The following LINGO2 variants were observed in gnomAD, a reference collection of about 807,000 sequenced individuals.
LINGO2 encodes leucine-rich repeat and immunoglobulin-like domain-containing nogo receptor-interacting protein 2.
Under a neutral mutation model 30.6 loss-of-function variants are expected in LINGO2, and 14 were observed. That is an observed-to-expected ratio of 0.46 (90% confidence interval 0.30 to 0.72). The LOEUF is 0.72. Among genes scored for constraint, LINGO2 ranks in the 30% least tolerant of loss-of-function variants. The pLI, the probability that LINGO2 is intolerant of heterozygous loss-of-function variation, is 0.07. For synonymous variants in LINGO2, 317 were observed against 288.5 expected (o/e 1.10, Z -1.00); for missense variants, 729 against 751.7 (o/e 0.97, Z 0.35).
At chr9:28,870,467 T>A in the LINGO2 span, among the ~76,000 whole-genome samples, 1 of 152,034 alleles carries the variant, frequency 6.6e-6, no homozygotes, top group Non-Finnish European at 1.5e-5. Flanking sequence ...ATTCTCTGAC[T>A]CCCCATACAG....
chr9:29,207,214 A>T, the LINGO2 span, among the ~76,000 whole-genome samples: 1 of 152,038 alleles, frequency 6.6e-6, no homozygotes, highest in South Asian at 2.1e-4. Context: ...ATAAAGGTCA[A>T]GTCAAAAATT....
At chr9:29,197,600 T>C in the LINGO2 span, among the ~76,000 whole-genome samples, 1 of 152,086 alleles carries the variant, frequency 6.6e-6, no homozygotes, top group Non-Finnish European at 1.5e-5. Context: ...TTCAGGGTAA[T>C]AAAATGCAGC....
At chr9:28,079,795 C>T (rs547245680) in intron 4 of LINGO2, among the ~76,000 whole-genome samples, 1 of 152,294 alleles carries the variant, frequency 6.6e-6, no homozygotes, top group Admixed American at 6.5e-5. Flanking sequence ...TCTCTAGCTT[C>T]CTTTGTCCTG....
the LINGO2 span, among the ~76,000 whole-genome samples, chr9:29,155,329 A>T: frequency 6.6e-6 from 1 of 152,074 alleles, no homozygotes; most frequent in African/African-American, 2.4e-5. Context: ...TAAATTTTTT[A>T]AAGTAGGGGT....
At chr9:28,946,872 T>C in the LINGO2 span, among the ~76,000 whole-genome samples, 1 of 152,026 alleles carries the variant, frequency 6.6e-6, no homozygotes, top group Non-Finnish European at 1.5e-5. Context: ...CAAATCTGAC[T>C]CACAGAGACA....
the LINGO2 span, among the ~76,000 whole-genome samples, chr9:28,991,003 A>T: frequency 6.6e-6 from 1 of 152,220 alleles, no homozygotes; most frequent in Non-Finnish European, 1.5e-5. Context: ...CAATGGAACA[A>T]AGCTGGATGG....
the LINGO2 span, among the ~76,000 whole-genome samples, chr9:28,770,084 C>T: frequency 9.6e-4 from 146 of 151,940 alleles, no homozygotes; most frequent in Admixed American, 9.5e-3. Flanking sequence ...TTCATTTTTT[C>T]GGTCCAGTTC....
rs539610004 is a variant in LINGO2 at position 28,191,174 on chromosome 9, GC to G, written c.-87+104033del. ...CCATGGTTAAATTGGCTCTAGGCAGGCAAGCTGGGCTTTCTGACAAGAAACA... is the reference window on the plus strand; with the variant it reads ...CCATGGTTAAATTGGCTCTAGGCAGGAAGCTGGGCTTTCTGACAAGAAACA... On this transcript the variant is annotated intron_variant, in intron 4 of 5. Coordinates refer to ENST00000379992, the Ensembl canonical transcript of LINGO2. 7.8e-4 allele frequency among the ~76,000 whole-genome samples: 119 copies of G among 152,300 alleles called. 3 individuals carry two copies. Among genetic ancestry groups the G allele is most frequent in the Admixed American group, 7.7e-3 (118 of 15,290 alleles).
chr9:28,684,073 T>G, the LINGO2 span, among the ~76,000 whole-genome samples: 3 of 151,910 alleles, frequency 2.0e-5, no homozygotes, highest in Non-Finnish European at 4.4e-5. Context: ...ATGTAAAAGT[T>G]TACATTTTTA....
intron 2 of LINGO2, among the ~76,000 whole-genome samples, chr9:28,395,012 A>G (rs1821983146): frequency 6.6e-6 from 1 of 152,226 alleles, no homozygotes. Flanking sequence ...TCATTAGATT[A>G]CCAGAGTTCA....
intron 3 of LINGO2, among the ~76,000 whole-genome samples, chr9:28,342,274 T>C (rs1437966016): frequency 6.6e-6 from 1 of 152,156 alleles, no homozygotes; most frequent in Non-Finnish European, 1.5e-5. Flanking sequence ...CTTGATCTTT[T>C]AGTGTTCATA....
intron 5 of LINGO2, among the ~76,000 whole-genome samples, chr9:27,996,206 A>G (rs2798792): frequency 0.24 from 35,946 of 152,024 alleles, 4,821 homozygotes; most frequent in African/African-American, 0.38. Flanking sequence ...AAATTAGTGT[A>G]GCTACCATGG....
chr9:28,841,065 C>A, the LINGO2 span, among the ~76,000 whole-genome samples: 2 of 151,494 alleles, frequency 1.3e-5, no homozygotes, highest in Non-Finnish European at 2.9e-5. Context: ...ATCTTTTTTT[C>A]TTTAAGTTAC....
At chr9:28,589,866 A>G (rs1824779467) in intron 1 of LINGO2, among the ~76,000 whole-genome samples, 1 of 152,162 alleles carries the variant, frequency 6.6e-6, no homozygotes. Context: ...CCAAAAAAGA[A>G]AAAAGCTGGA....
chr9:28,389,688 C>T (rs1458156579), intron 2 of LINGO2, among the ~76,000 whole-genome samples: 3 of 152,168 alleles, frequency 2.0e-5, no homozygotes, highest in African/African-American at 7.2e-5. Flanking sequence ...CTCAACTTCC[C>T]ACACGAAACA....
At chr9:29,211,802 T>G in the LINGO2 span, among the ~76,000 whole-genome samples, 1 of 152,184 alleles carries the variant, frequency 6.6e-6, no homozygotes, top group African/African-American at 2.4e-5. Context: ...GCACAGCAGG[T>G]CCCCTAGCTC....
At chr9:28,554,500 A>G (rs1292423334) in intron 1 of LINGO2, among the ~76,000 whole-genome samples, 1 of 147,788 alleles carries the variant, frequency 6.8e-6, no homozygotes, top group Non-Finnish European at 1.5e-5. Context: ...CTCATAAAGC[A>G]AGTCCTGAGT....
chr9:28,149,080 G>A (rs1827904908), intron 4 of LINGO2: 1 of 1,534,514 alleles, frequency 6.5e-7, no homozygotes, highest in South Asian at 1.2e-5. Flanking sequence ...CACTGTTGGT[G>A]GGTCAGGCTT....
chr9:29,184,792 C>G, the LINGO2 span, among the ~76,000 whole-genome samples: 1 of 149,922 alleles, frequency 6.7e-6, no homozygotes, highest in Admixed American at 6.7e-5. Context: ...AATTGAAAAG[C>G]TAGAAAAAAT....
Sources: gnomAD v4.1 joint callset for allele counts (sites outside exome capture counted in the v4.1 genomes callset) on GRCh38, gnomAD v4.1.1 for gene constraint, MANE v1.5 for transcripts, NCBI Gene and HGNC (gene_info 2026-07-23, HGNC 2026-07-21) for gene names.